PHF14: variants seen among roughly 807,000 people sequenced by gnomAD.
The protein encoded by PHF14 is PHD finger protein 14.
Under a neutral mutation model 117.9 loss-of-function variants are expected in PHF14, and 55 were observed. That is an observed-to-expected ratio of 0.47 (90% confidence interval 0.38 to 0.58). PHF14 has a LOEUF of 0.58. Ranked by LOEUF, PHF14 falls within the 20% of genes least tolerant of loss-of-function variation. The pLI is 0.00. For synonymous variants in PHF14, 409 were observed against 368.6 expected (o/e 1.11, Z -1.26); for missense variants, 978 against 1,122.2 (o/e 0.87, Z 1.84).
intron 16 of PHF14, chr7:11,107,728 G>A (rs1362168806): frequency 3.8e-6 from 3 of 796,166 alleles, no homozygotes; most frequent in Non-Finnish European, 4.6e-6. Context: ...ATTTAATAAA[G>A]TATATTGTGT....
chr7:11,068,512 ATGG>A (rs1275858454), intron 16 of PHF14, among the ~76,000 whole-genome samples: 2 of 152,100 alleles, frequency 1.3e-5, no homozygotes, highest in African/African-American at 4.8e-5. Context: ...AAAAGTAAAA[ATGG>A]TGGTTTCCAG....
At chr7:11,067,580 G>T (rs138487340) in intron 16 of PHF14, among the ~76,000 whole-genome samples, 1 of 152,292 alleles carries the variant, frequency 6.6e-6, no homozygotes, top group Non-Finnish European at 1.5e-5. Flanking sequence ...TGGATTAAAG[G>T]ATAAACAAAA....
chr7:11,057,938 T>C (rs148041066), intron 14 of PHF14, among the ~76,000 whole-genome samples: 360 of 152,324 alleles, frequency 2.4e-3, no homozygotes, highest in Non-Finnish European at 3.9e-3. Context: ...TAAACTTTCA[T>C]TTACTTTTAA....
chr7:10,998,421 T>C (rs1782740346), intron 4 of PHF14, among the ~76,000 whole-genome samples: 2 of 152,102 alleles, frequency 1.3e-5, no homozygotes. Flanking sequence ...CTAAAATATA[T>C]ATGTATACAC....
Position 11,111,340 on chromosome 7 carries a change from T to C in PHF14, c.2655-10T>C, listed in dbSNP as rs1246857664. 7.1e-7 allele frequency: 1 copy of C among 1,412,466 alleles called. No homozygotes were observed. Among genetic ancestry groups the C allele is most frequent in the African/African-American group, 1.4e-5 (1 of 71,114 alleles). 87.5% of individuals were successfully genotyped at this position (1,412,466 alleles called of 1,614,324 possible). On this transcript the variant is annotated splice_polypyrimidine_tract_variant and intron_variant, in intron 16 of 17. Coordinates refer to ENST00000634607, the MANE Select transcript of PHF14 (RefSeq NM_001007157.2). ...AGATACACCTACCTATAAATCTGTTTACCCTGCAGGTGTGATGAATGCAGA... is the reference window on the plus strand; with the variant it reads ...AGATACACCTACCTATAAATCTGTTCACCCTGCAGGTGTGATGAATGCAGA...
intron 16 of PHF14, chr7:11,063,263 G>A (rs1785301199): frequency 2.0e-6 from 2 of 984,698 alleles, no homozygotes; most frequent in Non-Finnish European, 2.4e-6. Flanking sequence ...TATCCTGAAG[G>A]TTAAGTTTAT....
intron 16 of PHF14, among the ~76,000 whole-genome samples, chr7:11,098,112 TAA>T (rs1380298290): frequency 6.6e-5 from 10 of 152,090 alleles, no homozygotes; most frequent in Admixed American, 6.5e-4. Flanking sequence ...TACAAAAATA[TAA>T]AAAGTAATTT....
intron 17 of PHF14, among the ~76,000 whole-genome samples, chr7:11,165,579 C>T (rs921525462): frequency 7.9e-5 from 12 of 152,176 alleles, no homozygotes; most frequent in Admixed American, 7.2e-4. Context: ...ACAAAGTTAT[C>T]TGTACTCATA....
intron 4 of PHF14, among the ~76,000 whole-genome samples, chr7:10,995,473 G>T (rs1028435512): frequency 2.6e-5 from 4 of 152,210 alleles, no homozygotes; most frequent in Non-Finnish European, 5.9e-5. Context: ...CTAGACTCGG[G>T]AGCCTAGCTG....
intron 16 of PHF14, among the ~76,000 whole-genome samples, chr7:11,072,523 G>C (rs1222448488): frequency 2.0e-5 from 3 of 152,034 alleles, no homozygotes; most frequent in Admixed American, 1.3e-4. Flanking sequence ...CTATAAAATA[G>C]CAATAAACAA....
intron 16 of PHF14, chr7:11,109,300 A>G (rs1022971649): frequency 2.6e-5 from 4 of 151,864 alleles, no homozygotes; most frequent in African/African-American, 4.8e-5. Flanking sequence ...CAAGAATTCA[A>G]ATAGAACAGC....
intron 17 of PHF14, among the ~76,000 whole-genome samples, chr7:11,158,531 A>G (rs1279012904): frequency 6.6e-6 from 1 of 151,994 alleles, no homozygotes; most frequent in Admixed American, 6.6e-5. Flanking sequence ...TACTTTTTTT[A>G]TTTTGCTTTA....
At chr7:11,010,255 T>C (rs887976602) in intron 4 of PHF14, among the ~76,000 whole-genome samples, 3 of 152,166 alleles carry the variant, frequency 2.0e-5, no homozygotes, top group African/African-American at 7.2e-5. Context: ...TGTTCTTTTA[T>C]TGGAAATAAA....
chr7:11,015,310 A>G (rs1311139107), intron 5 of PHF14: 1 of 152,218 alleles, frequency 6.6e-6, no homozygotes, highest in African/African-American at 2.4e-5. Flanking sequence ...GGGATAGCGT[A>G]GAATCTACCA....
At chr7:11,063,737 A>G in intron 16 of PHF14, 6 of 848,102 alleles carry the variant, frequency 7.1e-6, no homozygotes, top group Non-Finnish European at 8.5e-6. Flanking sequence ...AAATCAGTTT[A>G]TGATAGATTT....
At chr7:10,984,224 C>A (rs1437061352) in intron 3 of PHF14, among the ~76,000 whole-genome samples, 2 of 152,054 alleles carry the variant, frequency 1.3e-5, no homozygotes, top group African/African-American at 4.8e-5. Flanking sequence ...ATTTTAATTG[C>A]TTTGCTTAAA....
chr7:11,001,755 A>G (rs1294214293), intron 4 of PHF14, among the ~76,000 whole-genome samples: 3 of 152,158 alleles, frequency 2.0e-5, no homozygotes, highest in Non-Finnish European at 4.4e-5. Flanking sequence ...TTTTAGTTCC[A>G]GGAAATTTTT....
intron 16 of PHF14, among the ~76,000 whole-genome samples, chr7:11,072,984 C>T (rs958340842): frequency 6.6e-6 from 1 of 152,198 alleles, no homozygotes; most frequent in African/African-American, 2.4e-5. Flanking sequence ...GGATCTGCCC[C>T]TGTGGTCCAA....
At chr7:11,020,631 T>C (rs1256778229) in intron 5 of PHF14, among the ~76,000 whole-genome samples, 1 of 152,058 alleles carries the variant, frequency 6.6e-6, no homozygotes, top group Non-Finnish European at 1.5e-5. Context: ...CTCCTACCTC[T>C]GCCTCCCAAA....
Sources: gnomAD v4.1 joint callset for allele counts (sites outside exome capture counted in the v4.1 genomes callset) on GRCh38, gnomAD v4.1.1 for gene constraint, MANE v1.5 for transcripts, NCBI Gene and HGNC (gene_info 2026-07-23, HGNC 2026-07-21) for gene names.